ASB7: variants seen among roughly 807,000 people sequenced by gnomAD.
The protein encoded by ASB7 is ankyrin repeat and SOCS box containing 7, also known as ankyrin repeat and SOCS box protein 7.
A neutral mutation model predicts 32.5 loss-of-function variants in ASB7; 4 were observed. That is an observed-to-expected ratio of 0.12 (90% CI 0.06 to 0.28). The LOEUF (loss-of-function observed/expected upper bound fraction) is 0.28. ASB7 is among the 10% of genes least tolerant of loss of function. ASB7 has a pLI of 1.00. For missense variants in ASB7, 181 were observed against 407.1 expected, an observed-to-expected ratio of 0.44 and a Z score of 4.78; for synonymous variants, 172 against 155.6, an observed-to-expected ratio of 1.11 and a Z score of -0.78.
intron 2 of ASB7, among the ~76,000 whole-genome samples, chr15:100,604,082 A>G (rs1465087110): frequency 6.6e-6 from 1 of 152,200 alleles, no homozygotes; most frequent in South Asian, 2.1e-4. Context: ...TAATCGTTTG[A>G]CTCAGGAATT....
chr15:100,642,961 T>A (rs2039971758), intron 5 of ASB7, among the ~76,000 whole-genome samples: 1 of 152,148 alleles, frequency 6.6e-6, no homozygotes, highest in African/African-American at 2.4e-5. Context: ...GCTTGAACCC[T>A]GGAGGTGGAG....
rs1472956784 is a variant in ASB7, at chr15:100,649,952, C to A, written c.*1490C>A. 2.0e-5 allele frequency: 3 copies of A among 152,248 alleles called. No homozygotes were observed. The highest frequency in any genetic ancestry group is 7.2e-5 in the African/African-American group (3 of 41,472). The allele number at this position is 152,248 out of a possible 1,614,324, so 9.4% of individuals were successfully genotyped here. ...TAAGTCATGAAGTGTAAAACTGTTT[C>A]ACCCAGAAGTGTAACTAAGCAGAAC... On this transcript the variant is annotated 3_prime_UTR_variant, in exon 6 of 6. Coordinates refer to ENST00000332783, the MANE Select transcript of ASB7 (RefSeq NM_198243.3).
At chr15:100,647,094 T>C (rs1295833259) in intron 5 of ASB7, among the ~76,000 whole-genome samples, 1 of 152,240 alleles carries the variant, frequency 6.6e-6, no homozygotes, top group Non-Finnish European at 1.5e-5. Context: ...TGTTAACATG[T>C]AATGGTTTAT....
intron 5 of ASB7, among the ~76,000 whole-genome samples, chr15:100,634,023 G>C (rs1358761019): frequency 6.6e-6 from 1 of 152,166 alleles, no homozygotes; most frequent in Non-Finnish European, 1.5e-5. Flanking sequence ...TAGTGGTTAT[G>C]AACAGGAAAA....
At chr15:100,618,059 G>C (rs374072989) in intron 4 of ASB7, among the ~76,000 whole-genome samples, 2 of 152,126 alleles carry the variant, frequency 1.3e-5, no homozygotes, top group South Asian at 2.1e-4. Flanking sequence ...GGCTCAAGCA[G>C]TCCTCCCACC....
chr15:100,618,835 G>A (rs1477634642), intron 4 of ASB7, among the ~76,000 whole-genome samples: 2 of 152,132 alleles, frequency 1.3e-5, no homozygotes, highest in Non-Finnish European at 2.9e-5. Flanking sequence ...ATTTGCTGGG[G>A]GATGGAGTTA....
rs113400819 is a variant in ASB7 at position 100,618,622 on chromosome 15, G to GT, written c.211+6195_211+6196insT. 4.3e-3 allele frequency among the ~76,000 whole-genome samples: 649 copies of GT among 150,284 alleles called. 2 individuals are homozygous for GT. Among genetic ancestry groups the GT allele is most frequent in the African/African-American group, 0.013 (542 of 40,880 alleles). ...CACCTTCTCACCCTGCTGTGTGTGT[G>GT]GTGTGTGTGTGTGTGTGTGTGTGGA... On this transcript the variant is annotated intron_variant, in intron 4 of 5. Coordinates refer to ENST00000332783, the MANE Select transcript of ASB7 (RefSeq NM_198243.3).
chr15:100,605,902 G>A (rs2039640666), intron 2 of ASB7, among the ~76,000 whole-genome samples: 1 of 152,224 alleles, frequency 6.6e-6, no homozygotes, highest in Admixed American at 6.5e-5. Context: ...ATTTATGTGG[G>A]TCATGGATAA....
intron 4 of ASB7, among the ~76,000 whole-genome samples, chr15:100,616,961 C>G (rs1305629066): frequency 6.6e-6 from 1 of 152,214 alleles, no homozygotes; most frequent in Non-Finnish European, 1.5e-5. Flanking sequence ...CCATTCTCAC[C>G]ACGGTGTTCA....
chr15:100,646,611 C>A, intron 5 of ASB7: 1 of 340,392 alleles, frequency 2.9e-6, no homozygotes. Flanking sequence ...CATTGATGGC[C>A]TATTTCTTGT....
rs112949033 is a variant in ASB7, at chr15:100,645,561, T to C, written c.818-2762T>C. 5.5e-5 allele frequency: 38 copies of C among 694,450 alleles called. 1 individual carries two copies. The highest frequency in any genetic ancestry group is 4.6e-4 in the African/African-American group (26 of 56,934). The allele number at this position is 694,450 out of a possible 1,614,324, so 43.0% of individuals were successfully genotyped here. On this transcript the variant is annotated intron_variant, in intron 5 of 5. Coordinates refer to ENST00000332783, the MANE Select transcript of ASB7 (RefSeq NM_198243.3). The stretch of plus-strand genomic sequence containing the variant: ...TCATAGAGAGGAGCCTTACAACTTC[T>C]TGAATCCCACAGCTTGACGGTGTTA...
At chr15:100,637,700 A>T (rs1274796046) in intron 5 of ASB7, among the ~76,000 whole-genome samples, 1 of 152,224 alleles carries the variant, frequency 6.6e-6, no homozygotes, top group Non-Finnish European at 1.5e-5. Context: ...TCTAGTTTTG[A>T]TGGAGTATCA....
Position 100,612,222 on chromosome 15 carries a change from A to G in ASB7, c.6A>G (p.Leu2=), listed in dbSNP as rs1257841747. 6.2e-7 allele frequency: 1 copy of G among 1,612,802 alleles called. No homozygotes were observed. The highest frequency in any genetic ancestry group is 2.2e-5 in the East Asian group (1 of 44,888). ...AAAAAGTGGACTCAGCTAGGATGTT[A>G]CACCATCATTGTCGAAGGAACCCTG... The part of the protein sequence containing the change: M[L]HHHCRRNPEL... Residue 2 remains leucine, a synonymous_variant, in exon 4 of 6, where the codon TTA becomes TTG. Transcript: ENST00000332783.
At position 100,602,851 on chromosome 15, in the gene ASB7, A is replaced by C; in HGVS notation, c.-468A>C. 2.5e-6 allele frequency: 1 copy of C among 392,742 alleles called. No homozygotes were observed. Among genetic ancestry groups the C allele is most frequent in the South Asian group, 1.4e-4 (1 of 7,024 alleles). 24.3% of individuals were successfully genotyped at this position (392,742 alleles called of 1,614,324 possible). On this transcript the variant is annotated 5_prime_UTR_variant, in exon 1 of 6. Coordinates refer to ENST00000332783, the MANE Select transcript of ASB7 (RefSeq NM_198243.3). ...CCCTGCCTCCCTGCACCTCTGCCCC[A>C]AGGCTGCCCGGCGGCCGGGATCGCC...
At chr15:100,611,339 C>G (rs1457091547) in intron 3 of ASB7, among the ~76,000 whole-genome samples, 2 of 152,050 alleles carry the variant, frequency 1.3e-5, no homozygotes, top group Non-Finnish European at 2.9e-5. Flanking sequence ...CAAACGTGAG[C>G]CACTGTGCCT....
intron 4 of ASB7, among the ~76,000 whole-genome samples, chr15:100,616,742 T>A (rs2039747066): frequency 6.6e-6 from 1 of 152,230 alleles, no homozygotes; most frequent in Non-Finnish European, 1.5e-5. Flanking sequence ...TCAGAAAGTG[T>A]TTCACCCAGT....
rs74555316 is a variant in ASB7 at position 100,631,523 on chromosome 15, A to C, written c.817+1481A>C. On this transcript the variant is annotated intron_variant, in intron 5 of 5. Transcript: ENST00000332783. ...TGCTTGCCTTGTTGTTGTTCTCTCA[A>C]CTTCTACATTAGAGACTTAGTTATG... 2.6e-5 allele frequency among the ~76,000 whole-genome samples: 4 copies of C among 152,192 alleles called. No homozygotes were observed. In the South Asian group the frequency reaches 8.3e-4, roughly 32 times the overall value.
rs1315289743 is a variant in ASB7 at position 100,629,569 on chromosome 15, A to G, written c.344A>G (p.Asn115Ser). Residue 115 changes from asparagine (N) to serine (S), a missense_variant, in exon 5 of 6, where the codon AAT becomes AGT. Asn to Ser is a conservative substitution (Grantham distance 46). Coordinates refer to ENST00000332783, the MANE Select transcript of ASB7 (RefSeq NM_198243.3). The surrounding 1 kb of genome is among the most constrained non-coding windows in gnomAD (Gnocchi z 6.8). Reference protein sequence around the residue: ...YRSDIINAKSNDGWTPLHVAA... With the variant: ...YRSDIINAKSSDGWTPLHVAA... The stretch of plus-strand genomic sequence containing the variant: ...AGCGACATCATTAATGCAAAAAGCA[A>G]TGACGGCTGGACTCCCCTCCATGTG... The G allele has an allele frequency of 1.2e-6, 2 of 1,614,128 alleles. No individual in the cohort carries two copies. The highest frequency in any genetic ancestry group is 1.3e-5 in the African/African-American group (1 of 74,938).
At chr15:100,628,968 C>G (rs2039863649) in intron 4 of ASB7, among the ~76,000 whole-genome samples, 2 of 152,088 alleles carry the variant, frequency 1.3e-5, no homozygotes, top group Non-Finnish European at 2.9e-5. Context: ...CCTAAAACAA[C>G]ACGGTGTGCC....
Sources: allele counts gnomAD v4.1 joint callset (sites outside exome capture counted in the v4.1 genomes callset), GRCh38; gene constraint gnomAD v4.1.1; non-coding constraint Gnocchi (gnomAD v3.1); transcripts MANE v1.5; gene names NCBI Gene and HGNC (gene_info 2026-07-23, HGNC 2026-07-21).